ABCG1: variants seen among roughly 807,000 people sequenced by gnomAD.
ABCG1 encodes the protein ATP-binding cassette sub-family G member 1.
Under a neutral mutation model 69.2 loss-of-function variants are expected in ABCG1, and 29 were observed. That is an observed-to-expected ratio of 0.42 (90% confidence interval 0.31 to 0.57). The LOEUF is 0.57. Among genes scored for constraint, ABCG1 ranks in the 20% least tolerant of loss-of-function variants. The pLI is 0.15. For synonymous variants in ABCG1, 370 were observed against 374.8 expected (o/e 0.99, Z 0.15); for missense variants, 718 against 898.1 (o/e 0.80, Z 2.56).
At chr21:42,248,806 C>T (rs9978842) in intron 2 of ABCG1, among the ~76,000 whole-genome samples, 3 of 149,116 alleles carry the variant, frequency 2.0e-5, no homozygotes, top group Non-Finnish European at 4.4e-5. Context: ...ACTTGGGGGG[C>T]TGAGGGAGGA....
intron 1 of ABCG1, chr21:42,220,046 T>C (rs766413401): frequency 6.4e-7 from 1 of 1,551,876 alleles, no homozygotes; most frequent in South Asian, 1.2e-5. Context: ...ACACAGTTAC[T>C]GTAAGTGCTG....
chr21:42,229,119 C>T (rs2067863477), intron 2 of ABCG1, among the ~76,000 whole-genome samples: 1 of 152,164 alleles, frequency 6.6e-6, no homozygotes, highest in Non-Finnish European at 1.5e-5. Context: ...GTCTCAGTCC[C>T]CAGCCATGAT....
chr21:42,274,492 G>T (rs172826), intron 4 of ABCG1, among the ~76,000 whole-genome samples: 63,180 of 126,462 alleles, frequency 0.5, 15,676 homozygotes, highest in African/African-American at 0.7. Context: ...TTTTTTTTTT[G>T]GGGACAGAGT....
chr21:42,221,805 G>A (rs1395983143), intron 1 of ABCG1, among the ~76,000 whole-genome samples: 1 of 152,188 alleles, frequency 6.6e-6, no homozygotes, highest in South Asian at 2.1e-4. Flanking sequence ...CCTAATGCTA[G>A]GAGAAAAAGT....
At chr21:42,230,984 G>C (rs2067893175) in intron 2 of ABCG1, among the ~76,000 whole-genome samples, 1 of 152,254 alleles carries the variant, frequency 6.6e-6, no homozygotes, top group African/African-American at 2.4e-5. Context: ...CGTGGGCACA[G>C]GACTGGACCA....
chr21:42,292,882 A>G (rs2069097743), intron 13 of ABCG1, among the ~76,000 whole-genome samples: 1 of 144,606 alleles, frequency 6.9e-6, no homozygotes, highest in Admixed American at 6.9e-5. Context: ...TACCCACCAC[A>G]CACTACACAC....
intron 13 of ABCG1, among the ~76,000 whole-genome samples, chr21:42,293,961 A>T (rs1299023080): frequency 1.0e-4 from 3 of 29,024 alleles, no homozygotes; most frequent in South Asian, 7.9e-4. Flanking sequence ...CCACACACAC[A>T]CTCCACACAC....
intron 2 of ABCG1, chr21:42,256,473 T>C: frequency 6.5e-7 from 1 of 1,549,944 alleles, no homozygotes; most frequent in East Asian, 2.4e-5. Flanking sequence ...CCTGGCTGGG[T>C]GTACTGGCTA....
chr21:42,225,783 A>T lies in ABCG1; in HGVS notation c.155A>T (p.His52Leu). 1 of 1,613,898 alleles carries T rather than the reference A, an allele frequency of 6.2e-7. No individual in the cohort carries two copies. Among genetic ancestry groups the T allele is most frequent in the African/African-American group, 1.3e-5 (1 of 74,932 alleles). ...ACTGAGACGGACCTGCTGAATGGAC[A>T]TCTGAAAAAAGTAGATAATAACCTC... is the stretch of plus-strand genomic sequence containing the variant. ...EATETDLLNG[H>L]LKKVDNNLTE... Residue 52 changes from histidine (H) to leucine (L), a missense_variant, in exon 2 of 15, where the codon CAT (histidine) becomes CTT (leucine). His to Leu is a moderately conservative substitution (Grantham distance 99). Transcript: ENST00000398449.
At chr21:42,256,070 C>A in intron 2 of ABCG1, 1 of 1,099,922 alleles carries the variant, frequency 9.1e-7, no homozygotes, top group South Asian at 3.9e-5. Context: ...GACTTGGATC[C>A]AGGTGTGCAC....
intron 2 of ABCG1, chr21:42,256,420 C>T (rs894871000): frequency 1.3e-6 from 2 of 1,549,420 alleles, no homozygotes; most frequent in Admixed American, 2.0e-5. Context: ...TCCCTACTCA[C>T]ACCTTCCTGT....
chr21:42,274,440 C>G (rs1023120682), intron 4 of ABCG1, among the ~76,000 whole-genome samples: 4 of 151,118 alleles, frequency 2.6e-5, no homozygotes, highest in African/African-American at 9.8e-5. Flanking sequence ...CAGACCGCGA[C>G]CCAGCCAAGT....
At chr21:42,245,553 G>T (rs186965623) in intron 2 of ABCG1, among the ~76,000 whole-genome samples, 2 of 152,304 alleles carry the variant, frequency 1.3e-5, no homozygotes, top group Admixed American at 1.3e-4. Flanking sequence ...GGCCAACCAC[G>T]GGGACAGGAA....
chr21:42,259,630 T>A, intron 2 of ABCG1: 18 of 1,438,600 alleles, frequency 1.3e-5, no homozygotes, highest in Non-Finnish European at 1.6e-5. Flanking sequence ...ACTCATTTGA[T>A]AAAAACTGAC....
In ABCG1 at chr21:42,289,976, G is replaced by A. The variant is rs919527602; in HGVS notation, c.1225-74G>A. 6.4e-6 allele frequency: 10 copies of A among 1,568,032 alleles called. No homozygotes were observed. The Admixed American group carries it at 1.7e-4, about 26-fold the overall frequency. Reference sequence around the variant, plus strand: ...AGTTCAGGGTCCCATGCTTCCAAAGGCCGCATCCGGGTTGTTCTCTGAGCC... The same window carrying A: ...AGTTCAGGGTCCCATGCTTCCAAAGACCGCATCCGGGTTGTTCTCTGAGCC... On this transcript the variant is annotated intron_variant, in intron 10 of 14. Coordinates refer to ENST00000398449, the MANE Select transcript of ABCG1 (RefSeq NM_016818.3).
In ABCG1 at chr21:42,225,894, G is replaced by C. The variant is rs2123523388; in HGVS notation, c.266G>C (p.Gly89Ala). The C allele has an allele frequency of 6.2e-7, 1 of 1,612,902 alleles. No homozygotes were observed. Among genetic ancestry groups the C allele is most frequent in the East Asian group, 2.2e-5 (1 of 44,858 alleles). ...GACCTTTCCTATTCGGTTCCTGAAGGACCCTGGTGGAGGAAGAAAGGTAGG... is the reference window on the plus strand; with the variant it reads ...GACCTTTCCTATTCGGTTCCTGAAGCACCCTGGTGGAGGAAGAAAGGTAGG... ...FRDLSYSVPE[G>A]PWWRKKGYKT... The change falls in exon 2 of 15, where the codon GGA becomes GCA. Residue 89 changes from glycine (G) to alanine (A), a missense_variant. This residue lies in a region of ABCG1 where 514 missense variants were observed against 574.3 expected (regional missense o/e 0.90). Coordinates refer to ENST00000398449, the MANE Select transcript of ABCG1 (RefSeq NM_016818.3).
intron 2 of ABCG1, among the ~76,000 whole-genome samples, chr21:42,229,534 A>T (rs957317860): frequency 5.3e-5 from 8 of 152,128 alleles, no homozygotes; most frequent in African/African-American, 1.9e-4. Flanking sequence ...CCTGGCCAAC[A>T]TAGTGAAACC....
rs1205557048 is a variant in ABCG1, at chr21:42,258,046, TCATCCCTCAACTCAC to T, written c.287-13022_287-13008del. Among the ~76,000 whole-genome samples the T allele has an allele frequency of 5.1e-3, 207 of 40,428 alleles. 2 individuals carry two copies. Among genetic ancestry groups the T allele is most frequent in the Admixed American group, 8.1e-3 (32 of 3,932 alleles). 26.5% of individuals were successfully genotyped at this position (40,428 alleles called of 152,430 possible). ...TCAGCCTCTCCATCCATCCCTCCAC[TCATCCCTCAACTCAC>T]CTCTTCATCCACTCCATCCATCCTT... On this transcript the variant is annotated intron_variant, in intron 2 of 14. Coordinates refer to ENST00000398449, the MANE Select transcript of ABCG1 (RefSeq NM_016818.3).
Position 42,296,626 on chromosome 21 carries a change from T to TTG in ABCG1, c.*235_*236insGT, listed in dbSNP as rs950019611. 169 of 479,084 alleles carry TTG rather than the reference T, an allele frequency of 3.5e-4. No individual in the cohort carries two copies. Among genetic ancestry groups the TTG allele is most frequent in the Non-Finnish European group, 5.6e-4 (147 of 264,176 alleles). 29.7% of individuals were successfully genotyped at this position (479,084 alleles called of 1,614,324 possible). A position where few individuals can be genotyped will look rare whatever the true frequency, so the allele number is the denominator to read the frequency against. ...AGGAAGATGTAGGCAGATTGGTGGT[T>TTG]TTTTTTTTTTTAACATACAGAATTT... On this transcript the variant is annotated 3_prime_UTR_variant, in exon 15 of 15. Transcript: ENST00000398449. This position sits in a 1 kb window ranked among gnomAD's most constrained non-coding sequence, Gnocchi z 5.4.
Sources: allele counts gnomAD v4.1 joint callset (sites outside exome capture counted in the v4.1 genomes callset), GRCh38; gene constraint gnomAD v4.1.1; regional missense constraint gnomAD v4.1.1; non-coding constraint Gnocchi (gnomAD v3.1); transcripts MANE v1.5; gene names NCBI Gene and HGNC (gene_info 2026-07-23, HGNC 2026-07-21).